The following ZNF654 variants were observed in gnomAD, a reference collection of about 807,000 sequenced individuals.
ZNF654 encodes the protein melanoma-associated antigen.
ZNF654 carries 19 observed loss-of-function variants against 95.3 expected under a neutral mutation model. The observed-to-expected ratio is 0.20, with a 90% CI of 0.14 to 0.29. ZNF654 has a LOEUF of 0.29. ZNF654 is among the 10% of genes least tolerant of loss of function. The pLI is 1.00. For missense variants in ZNF654, 1,046 were observed against 1,341.0 expected (o/e 0.78, Z 3.44); for synonymous variants, 413 against 457.9 (o/e 0.90, Z 1.25).
chr3:88,096,060 C>T, intron 2 of ZNF654: 1 of 180,898 alleles, frequency 5.5e-6, no homozygotes, highest in Non-Finnish European at 1.1e-5. Flanking sequence ...GTAGTGGCCT[C>T]CCCTCCTGGG....
In ZNF654 at chr3:88,129,680, C is replaced by T; in HGVS notation, c.754-7C>T. Reference sequence around the variant, plus strand: ...TATATGAACTGATTTCTCTTTTCCTCTTACAGCATTTATTGAAAACTGATT... The same window carrying T: ...TATATGAACTGATTTCTCTTTTCCTTTTACAGCATTTATTGAAAACTGATT... On this transcript the variant is annotated splice_region_variant and splice_polypyrimidine_tract_variant and intron_variant, in intron 5 of 8. Transcript: ENST00000636215. 1 of 1,456,760 alleles carries T rather than the reference C, an allele frequency of 6.9e-7. No homozygotes were observed. The highest frequency in any genetic ancestry group is 9.1e-7 in the Non-Finnish European group (1 of 1,098,456). The allele number at this position is 1,456,760 out of a possible 1,614,324, so 90.2% of individuals were successfully genotyped here. A position where few individuals can be genotyped will look rare whatever the true frequency, so the allele number is the denominator to read the frequency against.
chr3:88,141,167 A>G (rs1034027434), intron 8 of ZNF654, 119 bp downstream of exon 8: 8 of 1,137,298 alleles, frequency 7.0e-6, no homozygotes, highest in Non-Finnish European at 9.7e-6. Flanking sequence ...GTAGTGAAGC[A>G]TTACTCCATA....
intron 1 of ZNF654, among the ~76,000 whole-genome samples, chr3:88,062,946 G>C (rs571911577): frequency 6.6e-6 from 1 of 152,140 alleles, no homozygotes; most frequent in Non-Finnish European, 1.5e-5. Flanking sequence ...TTTGTGTTTC[G>C]CAGTAAACTT....
At chr3:88,128,513 CAT>C (rs543361326) in intron 4 of ZNF654, among the ~76,000 whole-genome samples, 3 of 151,916 alleles carry the variant, frequency 2.0e-5, no homozygotes, top group Non-Finnish European at 2.9e-5. Context: ...CATATTTTAA[CAT>C]ATTAATGAAC....
intron 7 of ZNF654, among the ~76,000 whole-genome samples, chr3:88,136,214 T>C (rs1231393132): frequency 6.6e-6 from 1 of 152,152 alleles, no homozygotes; most frequent in East Asian, 1.9e-4. Context: ...TACATATGAA[T>C]CTTATTGGTA....
At chr3:88,105,050 G>T (rs929664991) in intron 2 of ZNF654, among the ~76,000 whole-genome samples, 10 of 152,214 alleles carry the variant, frequency 6.6e-5, no homozygotes, top group Non-Finnish European at 1.3e-4. Context: ...TGAGGCAGAA[G>T]AATCACTTGA....
chr3:88,115,922 G>A (rs1338862422), intron 3 of ZNF654, among the ~76,000 whole-genome samples: 1 of 152,184 alleles, frequency 6.6e-6, no homozygotes, highest in Non-Finnish European at 1.5e-5. Flanking sequence ...TATGTCAGTT[G>A]CTCAGGGATG....
At chr3:88,086,822 G>A (rs1346103472) in intron 2 of ZNF654, among the ~76,000 whole-genome samples, 1 of 152,146 alleles carries the variant, frequency 6.6e-6, no homozygotes, top group Non-Finnish European at 1.5e-5. Context: ...TCGCTCTGTC[G>A]CCCAGGCTGG....
Position 88,139,292 on chromosome 3 carries a change from T to C in ZNF654, c.1623T>C (p.Asn541=). ...TCAGTACTTCCAAAGTAGATCACAA[T>C]GTCCCAAGGCATCGTTGTATGTTAT... ...TALSTSKVDH[N]VPRHRCMLCN... is the part of the protein sequence containing the mutation. Residue 541 remains asparagine (N), a synonymous_variant, in exon 8 of 9, where the codon AAT becomes AAC. Coordinates refer to ENST00000636215, the MANE Select transcript of ZNF654 (RefSeq NM_001350134.2). 13 of 1,568,298 alleles carry C rather than the reference T, an allele frequency of 8.3e-6. No individual in the cohort carries two copies. Among genetic ancestry groups the C allele is most frequent in the Non-Finnish European group, 1.0e-5 (12 of 1,162,826 alleles).
chr3:88,085,473 A>T (rs1227045590), intron 1 of ZNF654, among the ~76,000 whole-genome samples: 8 of 152,178 alleles, frequency 5.3e-5, no homozygotes, highest in Non-Finnish European at 1.2e-4. Context: ...TACCTCGTGG[A>T]TGTACAAAAA....
chr3:88,140,748 C>T lies in ZNF654; in HGVS notation c.3079C>T (p.Pro1027Ser), dbSNP rs1283484750. 11 of 1,613,682 alleles carry T rather than the reference C, an allele frequency of 6.8e-6. No homozygotes were observed. The highest frequency in any genetic ancestry group is 9.3e-6 in the Non-Finnish European group (11 of 1,179,728). The change falls in exon 8 of 9, where the codon CCT (proline) becomes TCT (serine). Residue 1027 changes from proline to serine, a missense_variant. This residue lies in a region of ZNF654 where 495 missense variants were observed against 537.0 expected (regional missense o/e 0.92). Transcript: ENST00000636215. The part of the protein sequence containing the change: ...EHNTLPVSQA[P>S]SKPNLTSEHT... ...CAACACCTTGCCAGTATCTCAGGCA[C>T]CTTCCAAACCAAATCTGACAAGTGA...
intron 6 of ZNF654, among the ~76,000 whole-genome samples, chr3:88,134,639 TTAA>T (rs1474158142): frequency 1.3e-5 from 2 of 152,160 alleles, no homozygotes; most frequent in Non-Finnish European, 2.9e-5. Flanking sequence ...TTTTGATATC[TTAA>T]TAAATTGAAA....
intron 1 of ZNF654, among the ~76,000 whole-genome samples, chr3:88,063,213 A>C (rs1404687466): frequency 6.6e-6 from 1 of 152,124 alleles, no homozygotes; most frequent in African/African-American, 2.4e-5. Context: ...TCTAACAACA[A>C]AGAATTATCT....
At chr3:88,093,885 T>G (rs755095866) in intron 2 of ZNF654, among the ~76,000 whole-genome samples, 1 of 152,270 alleles carries the variant, frequency 6.6e-6, no homozygotes, top group Non-Finnish European at 1.5e-5. Context: ...CAAAAGGTGT[T>G]TGTATTGTAG....
chr3:88,135,419 G>C (rs1706715908), intron 7 of ZNF654: 1 of 345,580 alleles, frequency 2.9e-6, no homozygotes, highest in Non-Finnish European at 5.2e-6. Flanking sequence ...GGAAGCAATT[G>C]CTTCCATTAC....
At chr3:88,067,304 G>A (rs192865677) in intron 1 of ZNF654, among the ~76,000 whole-genome samples, 9 of 152,290 alleles carry the variant, frequency 5.9e-5, no homozygotes, top group East Asian at 3.9e-4. Context: ...AGATCCTTTC[G>A]TTTGGTTTGA....
chr3:88,132,879 A>C (rs1706548784), intron 6 of ZNF654, among the ~76,000 whole-genome samples: 1 of 152,212 alleles, frequency 6.6e-6, no homozygotes, highest in Admixed American at 6.5e-5. Context: ...GTTAGTTTGC[A>C]AGTGATAGCA....
chr3:88,131,568 T>C (rs1706467130), intron 6 of ZNF654, among the ~76,000 whole-genome samples: 1 of 152,158 alleles, frequency 6.6e-6, no homozygotes. Context: ...ATTCTCTTGG[T>C]AACCCATTTC....
chr3:88,073,668 C>T (rs1707638312), intron 1 of ZNF654, among the ~76,000 whole-genome samples: 1 of 151,990 alleles, frequency 6.6e-6, no homozygotes, highest in African/African-American at 2.4e-5. Context: ...ATGGTATTAA[C>T]AATAAATGGT....
Sources: gnomAD v4.1 joint callset for allele counts (sites outside exome capture counted in the v4.1 genomes callset) on GRCh38, gnomAD v4.1.1 for gene constraint, gnomAD v4.1.1 regional missense constraint, MANE v1.5 for transcripts, NCBI Gene and HGNC (gene_info 2026-07-23, HGNC 2026-07-21) for gene names.